Variants in R3HDM1 observed in about 807,000 individuals in gnomAD.
R3HDM1 encodes R3H domain-containing protein 1.
In R3HDM1, 46 loss-of-function variants were observed where a neutral mutation model predicts 141.1. The observed-to-expected ratio is 0.33, with a 90% CI of 0.26 to 0.42. The LOEUF (loss-of-function observed/expected upper bound fraction) is 0.42. R3HDM1 is among the 10% of genes least tolerant of loss of function. R3HDM1 has a pLI of 1.00. For missense variants in R3HDM1, 1,184 were observed against 1,368.3 expected, an observed-to-expected ratio of 0.87 and a Z score of 2.12; for synonymous variants, 435 against 472.9, an observed-to-expected ratio of 0.92 and a Z score of 1.04.
chr2:135,554,235 A>G (rs893891993), intron 1 of R3HDM1, among the ~76,000 whole-genome samples: 3 of 152,136 alleles, frequency 2.0e-5, no homozygotes, highest in African/African-American at 4.8e-5. Context: ...AGATTTGCCT[A>G]TTCTGGACAT....
chr2:135,706,962 A>G (rs2075012874), intron 21 of R3HDM1, among the ~76,000 whole-genome samples: 1 of 151,886 alleles, frequency 6.6e-6, no homozygotes, highest in Admixed American at 6.6e-5. Flanking sequence ...GGCCGGGCAG[A>G]GGCGCCCCTC....
intron 3 of R3HDM1, among the ~76,000 whole-genome samples, chr2:135,615,411 G>T (rs1323685946): frequency 6.6e-6 from 1 of 152,106 alleles, no homozygotes; most frequent in African/African-American, 2.4e-5. Context: ...TGGAAGAAAG[G>T]AGTGTTTAAA....
At chr2:135,597,432 C>A (rs1395597118) in intron 1 of R3HDM1, among the ~76,000 whole-genome samples, 1 of 152,202 alleles carries the variant, frequency 6.6e-6, no homozygotes, top group Non-Finnish European at 1.5e-5. Context: ...AAGTGACTGA[C>A]AAAGTGACTG....
At chr2:135,666,903 A>G (rs2067586338) in intron 19 of R3HDM1, among the ~76,000 whole-genome samples, 1 of 145,040 alleles carries the variant, frequency 6.9e-6, no homozygotes, top group Non-Finnish European at 1.5e-5. Context: ...ATTTGGCTTT[A>G]GTAAAATGGC....
intron 18 of R3HDM1, among the ~76,000 whole-genome samples, chr2:135,659,113 T>A (rs541996493): frequency 1.3e-5 from 2 of 151,430 alleles, no homozygotes; most frequent in African/African-American, 2.4e-5. Context: ...TTCTTTGTTT[T>A]TTGAGACAGA....
intron 19 of R3HDM1, chr2:135,669,069 G>T: frequency 3.4e-6 from 3 of 873,924 alleles, no homozygotes; most frequent in Non-Finnish European, 4.1e-6. Context: ...TAGAGATGGA[G>T]TCTCACTGTT....
At chr2:135,596,519 C>T (rs1397807411) in intron 1 of R3HDM1, among the ~76,000 whole-genome samples, 2 of 151,986 alleles carry the variant, frequency 1.3e-5, no homozygotes, top group Non-Finnish European at 1.5e-5. Flanking sequence ...GTCCCTTCTC[C>T]GTCTTACCCA....
At chr2:135,564,750 ATT>A (rs1296849645) in intron 1 of R3HDM1, among the ~76,000 whole-genome samples, 1 of 152,246 alleles carries the variant, frequency 6.6e-6, no homozygotes, top group Non-Finnish European at 1.5e-5. Flanking sequence ...TGTAATACAC[ATT>A]CATAGAGGAC....
chr2:135,675,928 G>A (rs1394414714), intron 20 of R3HDM1, among the ~76,000 whole-genome samples: 2 of 152,182 alleles, frequency 1.3e-5, no homozygotes, highest in Non-Finnish European at 2.9e-5. Context: ...CCATGAATCC[G>A]TAGTTGTAGA....
chr2:135,717,402 T>C (rs1232192287), intron 24 of R3HDM1, among the ~76,000 whole-genome samples: 1 of 151,892 alleles, frequency 6.6e-6, no homozygotes, highest in Admixed American at 6.6e-5. Context: ...GAGAATTGCT[T>C]GAACTCGGGA....
intron 23 of R3HDM1, 146 bp downstream of exon 23, chr2:135,710,377 C>A: frequency 1.3e-6 from 1 of 794,586 alleles, no homozygotes; most frequent in Non-Finnish European, 1.9e-6. Context: ...GTAATCCCAG[C>A]ACTTTTTGGG....
intron 1 of R3HDM1, among the ~76,000 whole-genome samples, chr2:135,588,585 C>T (rs1708488091): frequency 6.6e-6 from 1 of 152,042 alleles, no homozygotes; most frequent in South Asian, 2.1e-4. Context: ...ACTGTTTGCT[C>T]AGTTTTTTAA....
At chr2:135,699,032 TAGA>T (rs1447002573) in intron 21 of R3HDM1, among the ~76,000 whole-genome samples, 3,713 of 95,368 alleles carry the variant, frequency 0.039, 90 homozygotes, top group East Asian at 0.11. Flanking sequence ...GATAGATAGA[TAGA>T]TAGATAGATA....
intron 1 of R3HDM1, among the ~76,000 whole-genome samples, chr2:135,590,169 CTCTT>C (rs1371187605): frequency 2.0e-5 from 3 of 152,114 alleles, no homozygotes; most frequent in Admixed American, 6.6e-5. Flanking sequence ...TAAATTTTCT[CTCTT>C]TTCATTTTCA....
At position 135,631,758 on chromosome 2, in the gene R3HDM1, G is replaced by T. The variant is rs1263603387; in HGVS notation, c.538G>T (p.Asp180Tyr). 1.3e-6 allele frequency: 2 copies of T among 1,567,902 alleles called. No homozygotes were observed. Among genetic ancestry groups the T allele is most frequent in the Non-Finnish European group, 8.6e-7 (1 of 1,162,026 alleles). Reference protein sequence around the residue: ...MLLKLEQEILDFIGNNESPRK... With the variant: ...MLLKLEQEILYFIGNNESPRK... ...GCTGAAATTGGAACAAGAAATTTTA[G>T]ATTTCATTGGTAATAATGAGTAAGT... Residue 180 changes from aspartate (D) to tyrosine (Y), a missense_variant, in exon 8 of 27, where the codon GAT (aspartate) becomes TAT (tyrosine). By Grantham distance (160) the Asp-to-Tyr change is radical (BLOSUM62 -3). Transcript: ENST00000683871.
intron 1 of R3HDM1, chr2:135,550,319 G>A (rs1473269704): frequency 4.9e-6 from 4 of 811,344 alleles, no homozygotes; most frequent in African/African-American, 1.9e-5. Context: ...CTTTTCTTAG[G>A]CAAGCAGCTT....
intron 1 of R3HDM1, among the ~76,000 whole-genome samples, chr2:135,554,701 C>T (rs1459709948): frequency 6.6e-6 from 1 of 151,928 alleles, no homozygotes; most frequent in Non-Finnish European, 1.5e-5. Flanking sequence ...ATTTGGAGAC[C>T]GTTATTCATA....
chr2:135,605,910 C>G (rs1559224066), intron 3 of R3HDM1: 1 of 152,216 alleles, frequency 6.6e-6, no homozygotes, highest in Non-Finnish European at 1.5e-5. Context: ...TCTAGAACTC[C>G]TGAGCTCCGG....
At chr2:135,702,469 G>A (rs568240295) in intron 21 of R3HDM1, among the ~76,000 whole-genome samples, 3 of 151,938 alleles carry the variant, frequency 2.0e-5, no homozygotes, top group African/African-American at 7.3e-5. Flanking sequence ...GACCATCCTG[G>A]CTAACACGAT....
Sources: gnomAD v4.1 joint callset for allele counts (sites outside exome capture counted in the v4.1 genomes callset) on GRCh38, gnomAD v4.1.1 for gene constraint, MANE v1.5 for transcripts, NCBI Gene and HGNC (gene_info 2026-07-23, HGNC 2026-07-21) for gene names.